The following DPP10 variants were observed in gnomAD, a reference collection of about 807,000 sequenced individuals.
DPP10 encodes dipeptidyl peptidase like 10, also known as inactive dipeptidyl peptidase 10.
DPP10 carries 33 observed loss-of-function variants against 120.9 expected under a neutral mutation model. That is an observed-to-expected ratio of 0.27 (90% CI 0.21 to 0.37). The LOEUF (loss-of-function observed/expected upper bound fraction) is 0.37. DPP10 is among the 10% of genes least tolerant of loss of function. DPP10 has a pLI of 1.00. For synonymous variants in DPP10, 337 were observed against 326.1 expected (o/e 1.03, Z -0.36); for missense variants, 816 against 942.8 (o/e 0.87, Z 1.76).
chr2:114,543,097 C>T (rs546667976), intron 1 of DPP10, among the ~76,000 whole-genome samples: 72 of 152,254 alleles, frequency 4.7e-4, no homozygotes, highest in Non-Finnish European at 8.1e-4. Flanking sequence ...CTGACCAATA[C>T]GATTTGGCAC....
Position 115,042,377 on chromosome 2 carries a change from G to A in DPP10, c.61-266862G>A, listed in dbSNP as rs141923513. Among the ~76,000 whole-genome samples the A allele has an allele frequency of 3.2e-3, 484 of 151,950 alleles. 3 individuals are homozygous for A. The highest frequency in any genetic ancestry group is 0.011 in the African/African-American group (461 of 41,436). The stretch of plus-strand genomic sequence containing the variant: ...TGCCTCACGGGTTCAAGTGAGTTTC[G>A]TGCCACAGCCTCCCAAGTAGTTGGG... On this transcript the variant is annotated intron_variant, in intron 1 of 25. Transcript: ENST00000410059.
chr2:115,093,624 C>T (rs1709466738), intron 1 of DPP10, among the ~76,000 whole-genome samples: 1 of 151,970 alleles, frequency 6.6e-6, no homozygotes, highest in Admixed American at 6.6e-5. Flanking sequence ...AAATGAATGA[C>T]AGCCACTGTA....
chr2:115,371,805 A>G (rs1343843683), intron 3 of DPP10, among the ~76,000 whole-genome samples: 1 of 152,106 alleles, frequency 6.6e-6, no homozygotes, highest in Non-Finnish European at 1.5e-5. Flanking sequence ...AGGGAAACAT[A>G]TTTTGTTCTA....
intron 7 of DPP10, among the ~76,000 whole-genome samples, chr2:115,710,326 T>C (rs2092274553): frequency 6.6e-6 from 1 of 152,032 alleles, no homozygotes; most frequent in Admixed American, 6.6e-5. Context: ...AAAATGACAG[T>C]ATGGGGGTAT....
At chr2:114,478,052 C>T (rs914285112) in intron 1 of DPP10, among the ~76,000 whole-genome samples, 3 of 151,532 alleles carry the variant, frequency 2.0e-5, no homozygotes, top group African/African-American at 7.3e-5. Flanking sequence ...TAAATTTAGG[C>T]AGCTAAAAAT....
At chr2:114,549,188 C>A (rs1687664530) in intron 1 of DPP10, among the ~76,000 whole-genome samples, 1 of 151,502 alleles carries the variant, frequency 6.6e-6, no homozygotes. Flanking sequence ...GTGAGCTGGC[C>A]CCATGCACTC....
intron 1 of DPP10, among the ~76,000 whole-genome samples, chr2:115,023,637 C>G (rs1340759693): frequency 1.3e-5 from 2 of 151,660 alleles, no homozygotes; most frequent in East Asian, 2.0e-4. Context: ...AGTAATTCCA[C>G]TTCTAGGTAT....
At chr2:115,097,788 G>T (rs147284024) in intron 1 of DPP10, among the ~76,000 whole-genome samples, 1 of 152,092 alleles carries the variant, frequency 6.6e-6, no homozygotes, top group African/African-American at 2.4e-5. Flanking sequence ...ACAGTTTTTT[G>T]AATAGTCCTT....
chr2:115,144,662 T>C (rs532793289), intron 1 of DPP10, among the ~76,000 whole-genome samples: 13 of 102,714 alleles, frequency 1.3e-4, no homozygotes, highest in South Asian at 1.2e-3. Context: ...CTGGGGACTG[T>C]TGTGGGGTGG....
At chr2:114,967,341 A>G (rs1215310589) in intron 1 of DPP10, among the ~76,000 whole-genome samples, 1 of 152,144 alleles carries the variant, frequency 6.6e-6, no homozygotes. Context: ...GCTCTGTGGA[A>G]GCAGGAAGGC....
intron 1 of DPP10, among the ~76,000 whole-genome samples, chr2:115,275,281 G>T (rs1156411855): frequency 6.6e-6 from 1 of 152,130 alleles, no homozygotes. Context: ...TTAAATAATA[G>T]TCTCTCTCTA....
chr2:115,506,407 T>A (rs2076944306), intron 4 of DPP10, among the ~76,000 whole-genome samples: 1 of 152,086 alleles, frequency 6.6e-6, no homozygotes, highest in East Asian at 1.9e-4. Flanking sequence ...AAAAATCAAC[T>A]GAGACCCAGA....
At position 115,380,166 on chromosome 2, in the gene DPP10, A is replaced by C. The variant is rs550759417; in HGVS notation, c.271+36254A>C. On this transcript the variant is annotated intron_variant, in intron 3 of 25. Coordinates refer to ENST00000410059, the MANE Select transcript of DPP10 (RefSeq NM_020868.6). Reference sequence around the variant, plus strand: ...TGACAGTGGGGTGTTAAAGTCTCTCATTATTAATGTGTGGGAGTCTAAGTC... The same window carrying C: ...TGACAGTGGGGTGTTAAAGTCTCTCCTTATTAATGTGTGGGAGTCTAAGTC... 3.9e-5 allele frequency among the ~76,000 whole-genome samples: 6 copies of C among 152,256 alleles called. No homozygotes were observed. The East Asian group carries it at 1.2e-3, about 29-fold the overall frequency.
intron 3 of DPP10, among the ~76,000 whole-genome samples, chr2:115,357,100 A>G (rs181404301): frequency 1.3e-3 from 199 of 152,246 alleles, no homozygotes; most frequent in Non-Finnish European, 2.3e-3. Context: ...ATTTCCCACT[A>G]TAAGTGTGAA....
chr2:115,478,567 AT>A (rs1367122819), intron 3 of DPP10, among the ~76,000 whole-genome samples: 4 of 152,108 alleles, frequency 2.6e-5, no homozygotes, highest in Admixed American at 6.6e-5. Flanking sequence ...GGACTTATAA[AT>A]TTTTTTAAGT....
At chr2:115,672,658 T>TCCTTTCTC (rs2089971017) in intron 5 of DPP10, among the ~76,000 whole-genome samples, 4 of 85,748 alleles carry the variant, frequency 4.7e-5, no homozygotes, top group South Asian at 4.2e-4. Context: ...CTCTCTTTCT[T>TCCTTTCTC]TCTTTCTTTC....
At chr2:115,257,202 G>C (rs1211043937) in intron 1 of DPP10, among the ~76,000 whole-genome samples, 1 of 152,004 alleles carries the variant, frequency 6.6e-6, no homozygotes, top group African/African-American at 2.4e-5. Flanking sequence ...ACCCTTTCCT[G>C]TTACCCAGTT....
intron 1 of DPP10, among the ~76,000 whole-genome samples, chr2:114,585,128 G>A (rs1417021204): frequency 6.6e-6 from 1 of 152,144 alleles, no homozygotes; most frequent in Non-Finnish European, 1.5e-5. Flanking sequence ...TCTCTTCAGC[G>A]TATCATGAGG....
At chr2:115,698,545 T>TA (rs1029942139) in intron 7 of DPP10, among the ~76,000 whole-genome samples, 2 of 152,104 alleles carry the variant, frequency 1.3e-5, no homozygotes, top group African/African-American at 4.8e-5. Flanking sequence ...ACTGGTGGCT[T>TA]AAAAAACAGA....
Sources: gnomAD v4.1 joint callset for allele counts (sites outside exome capture counted in the v4.1 genomes callset) on GRCh38, gnomAD v4.1.1 for gene constraint, MANE v1.5 for transcripts, NCBI Gene and HGNC (gene_info 2026-07-23, HGNC 2026-07-21) for gene names.